Variants in AEBP2 observed in about 807,000 individuals in gnomAD.
The protein encoded by AEBP2 is zinc finger protein AEBP2.
In AEBP2, 10 loss-of-function variants were observed where a neutral mutation model predicts 50.8. The ratio of observed to expected loss-of-function variants is 0.20; its 90% confidence interval spans 0.12 to 0.33. AEBP2 has a LOEUF of 0.33. AEBP2 is among the 10% of genes least tolerant of loss of function. The probability of loss-of-function intolerance (pLI) is 1.00; values close to 1 mark genes in which losing one functional copy is unlikely to be tolerated. For synonymous variants in AEBP2, 296 were observed against 261.3 expected, an observed-to-expected ratio of 1.13 and a Z score of -1.28; for missense variants, 570 against 688.0, an observed-to-expected ratio of 0.83 and a Z score of 1.92.
chr12:19,414,737 A>T (rs908034937), intron 1 of AEBP2, among the ~76,000 whole-genome samples: 1 of 152,184 alleles, frequency 6.6e-6, no homozygotes, highest in African/African-American at 2.4e-5. Flanking sequence ...AACCTGGCCA[A>T]CATGGTCAAA....
intron 1 of AEBP2, among the ~76,000 whole-genome samples, chr12:19,408,354 C>T (rs981698991): frequency 4.7e-4 from 71 of 151,446 alleles, no homozygotes; most frequent in East Asian, 1.8e-3. Context: ...GTCAGGAGTT[C>T]GAGACCAGCC....
rs1949367160 is a variant in AEBP2, at chr12:19,519,363, CTTCT to C, written c.*1249_*1252del. ...CCAGAGGAATTGTTAATAAAAGCAC[CTTCT>C]TTAACAATAAATGTCTTTCACAGAC... On this transcript the variant is annotated 3_prime_UTR_variant, in exon 8 of 8. Coordinates refer to ENST00000266508, the MANE Select transcript of AEBP2 (RefSeq NM_153207.5). 6.6e-6 allele frequency: 1 copy of C among 152,462 alleles called. No homozygotes were observed. Among genetic ancestry groups the C allele is most frequent in the African/African-American group, 2.4e-5 (1 of 41,424 alleles). 9.4% of individuals were successfully genotyped at this position (152,462 alleles called of 1,614,324 possible).
At chr12:19,483,015 C>T (rs548703942) in intron 3 of AEBP2, among the ~76,000 whole-genome samples, 1 of 152,348 alleles carries the variant, frequency 6.6e-6, no homozygotes, top group African/African-American at 2.4e-5. Flanking sequence ...CCCTCCCCGT[C>T]TGCCTACTCT....
rs1271476131 is a variant in AEBP2 at position 19,439,600 on chromosome 12, C to T, written c.-100C>T. 2.0e-5 allele frequency: 28 copies of T among 1,417,802 alleles called. No individual in the cohort carries two copies. The highest frequency in any genetic ancestry group is 2.6e-5 in the Non-Finnish European group (28 of 1,071,958). 87.8% of individuals were successfully genotyped at this position (1,417,802 alleles called of 1,614,324 possible). On this transcript the variant is annotated 5_prime_UTR_variant, in exon 1 of 8. Transcript: ENST00000266508. ...CCCTCCTCCTGCTCTGCAGCGGCGT[C>T]GGCGGAGTTTTGGGCGTTTGGGAGG...
chr12:19,439,467 TCGTGCCGCCG>T, upstream of AEBP2, among the ~76,000 whole-genome samples: 1 of 151,242 alleles, frequency 6.6e-6, no homozygotes, highest in East Asian at 2.0e-4. Context: ...AGGTGCTGCC[TCGTGCCGCCG>T]CGCAGGCGCG....
In AEBP2 at chr12:19,473,397, ATTT is replaced by A. The variant is rs56979677; in HGVS notation, c.987+43_987+45del. 12 of 639,566 alleles carry A rather than the reference ATTT, an allele frequency of 1.9e-5. 1 individual carries two copies. Among genetic ancestry groups the A allele is most frequent in the African/African-American group, 1.4e-4 (7 of 49,816 alleles). The allele number at this position is 639,566 out of a possible 1,614,324, so 39.6% of individuals were successfully genotyped here. ...ATAAAATTTATTTATTTATTTATTT[ATTT>A]ATTTATTTATTTATTTATTTATGAC... On this transcript the variant is annotated intron_variant, in intron 3 of 7. Transcript: ENST00000266508.
At chr12:19,466,323 G>T (rs2153371004) in intron 2 of AEBP2, among the ~76,000 whole-genome samples, 1 of 152,174 alleles carries the variant, frequency 6.6e-6, no homozygotes, top group East Asian at 1.9e-4. Context: ...GGGTGTAGTG[G>T]CACACGCCTG....
chr12:19,454,251 A>G (rs1188233321), intron 1 of AEBP2, among the ~76,000 whole-genome samples: 1 of 152,162 alleles, frequency 6.6e-6, no homozygotes, highest in Non-Finnish European at 1.5e-5. Flanking sequence ...TTGGAAGACA[A>G]CATTGTTTAT....
chr12:19,486,583 A>G (rs1446527327), intron 3 of AEBP2, among the ~76,000 whole-genome samples: 2 of 151,942 alleles, frequency 1.3e-5, no homozygotes, highest in African/African-American at 4.8e-5. Flanking sequence ...GGGTTTTGCC[A>G]CGTTGCCCAG....
rs540149587 is a variant in AEBP2 at position 19,457,391 on chromosome 12, G to A, written c.672-5119G>A. ...GTCCTAGGGCATCAATGATAGTCAC[G>A]TAGCACTTGCTGTTCTCAAATTTCC... On this transcript the variant is annotated intron_variant, in intron 1 of 7. Transcript: ENST00000266508. 4.2e-6 allele frequency: 6 copies of A among 1,437,190 alleles called. No homozygotes were observed. In the East Asian group the frequency reaches 6.8e-5, roughly 16 times the overall value. 89.0% of individuals were successfully genotyped at this position (1,437,190 alleles called of 1,614,324 possible). A position where few individuals can be genotyped will look rare whatever the true frequency, so the allele number is the denominator to read the frequency against.
chr12:19,426,038 C>T (rs180875905), intron 1 of AEBP2, among the ~76,000 whole-genome samples: 2 of 152,082 alleles, frequency 1.3e-5, no homozygotes, highest in Non-Finnish European at 2.9e-5. Flanking sequence ...CTGGCTCAAG[C>T]GATCCTCCCA....
chr12:19,505,219 T>TG (rs1163134092), intron 5 of AEBP2, among the ~76,000 whole-genome samples: 3 of 152,188 alleles, frequency 2.0e-5, no homozygotes, highest in Admixed American at 6.5e-5. Flanking sequence ...TTTTATGATA[T>TG]GGTAGGTCTG....
intron 4 of AEBP2, among the ~76,000 whole-genome samples, chr12:19,499,081 G>A (rs1294125109): frequency 6.6e-6 from 1 of 152,060 alleles, no homozygotes; most frequent in African/African-American, 2.4e-5. Flanking sequence ...GATTTATAAG[G>A]CATTTTTATA....
chr12:19,455,757 A>G (rs1482800454), intron 1 of AEBP2, among the ~76,000 whole-genome samples: 2 of 152,194 alleles, frequency 1.3e-5, no homozygotes, highest in Admixed American at 1.3e-4. Flanking sequence ...GGAAAAGAGG[A>G]AAAGGAGAAT....
chr12:19,419,670 C>T (rs1195457353), intron 1 of AEBP2, among the ~76,000 whole-genome samples: 2 of 152,046 alleles, frequency 1.3e-5, no homozygotes, highest in Non-Finnish European at 2.9e-5. Context: ...CGGCTCACCC[C>T]TGTAATCCCA....
chr12:19,442,372 C>A (rs559201584), intron 1 of AEBP2, among the ~76,000 whole-genome samples: 181 of 152,288 alleles, frequency 1.2e-3, no homozygotes, highest in Non-Finnish European at 2.1e-3. Flanking sequence ...GGTGCCACTG[C>A]ACTCCAGCCT....
rs560492884 is a variant in AEBP2, at chr12:19,468,499, A to T, written c.880-4749A>T. Among the ~76,000 whole-genome samples the T allele has an allele frequency of 2.0e-5, 3 of 152,318 alleles. No individual in the cohort carries two copies. The East Asian group carries it at 5.8e-4, about 29-fold the overall frequency. On this transcript the variant is annotated intron_variant, in intron 2 of 7. Transcript: ENST00000266508. ...TGTGCATACTTACTCTGACAGATTA[A>T]CATTGCACTTTTTTGCAGTGGATTT...
intron 1 of AEBP2, among the ~76,000 whole-genome samples, chr12:19,455,955 T>TCC (rs71067022): frequency 2.6e-5 from 4 of 151,768 alleles, no homozygotes; most frequent in African/African-American, 9.7e-5. Flanking sequence ...TTTTTTTTTT[T>TCC]CCTCATTAAA....
chr12:19,514,878 A>G lies in AEBP2; in HGVS notation c.1481+94A>G, dbSNP rs571267742. 3.5e-6 allele frequency: 3 copies of G among 858,650 alleles called. No individual in the cohort carries two copies. The South Asian group carries it at 4.9e-5, about 14-fold the overall frequency. 53.2% of individuals were successfully genotyped at this position (858,650 alleles called of 1,614,324 possible). ...ATTAGGACTTAGTTTTAAGTGCTGA[A>G]TTTTAATACCAAGCATATCTCATTA... On this transcript the variant is annotated intron_variant, in intron 7 of 7. Coordinates refer to ENST00000266508, the MANE Select transcript of AEBP2 (RefSeq NM_153207.5).
Sources: allele counts gnomAD v4.1 joint callset (sites outside exome capture counted in the v4.1 genomes callset), GRCh38; gene constraint gnomAD v4.1.1; transcripts MANE v1.5; gene names NCBI Gene and HGNC (gene_info 2026-07-23, HGNC 2026-07-21).